The following TMEM117 variants were observed in gnomAD, a reference collection of about 807,000 sequenced individuals.
The protein encoded by TMEM117 is transmembrane protein 117.
In TMEM117, 27 loss-of-function variants were observed where a neutral mutation model predicts 52.4. The observed-to-expected ratio is 0.51, with a 90% CI of 0.38 to 0.71. TMEM117 has a LOEUF of 0.71. Among genes scored for constraint, TMEM117 ranks in the 30% least tolerant of loss-of-function variants. TMEM117 has a pLI of 0.00. For missense variants in TMEM117, 556 were observed against 630.5 expected, an observed-to-expected ratio of 0.88 and a Z score of 1.26; for synonymous variants, 215 against 206.3, an observed-to-expected ratio of 1.04 and a Z score of -0.36.
intron 5 of TMEM117, among the ~76,000 whole-genome samples, chr12:44,217,206 G>A (rs1236112947): frequency 6.6e-6 from 1 of 152,192 alleles, no homozygotes; most frequent in Non-Finnish European, 1.5e-5. Context: ...TTAGTAACTA[G>A]TAGTTTGACG....
the TMEM117 span, among the ~76,000 whole-genome samples, chr12:43,808,585 C>A: frequency 6.6e-6 from 1 of 151,986 alleles, no homozygotes; most frequent in African/African-American, 2.4e-5. Flanking sequence ...AGTTAAATAA[C>A]ATAAATGAAT....
intron 2 of TMEM117, among the ~76,000 whole-genome samples, chr12:43,905,720 C>G (rs956437682): frequency 3.3e-5 from 5 of 152,102 alleles, no homozygotes; most frequent in Non-Finnish European, 4.4e-5. Flanking sequence ...ACTTCCTTTT[C>G]TATGAATTTC....
At chr12:43,830,601 C>A in the TMEM117 span, among the ~76,000 whole-genome samples, 1 of 136,612 alleles carries the variant, frequency 7.3e-6, no homozygotes. Flanking sequence ...CAGAGCAAGA[C>A]ACTTGTCTCA....
chr12:44,361,585 C>T (rs894518583), intron 6 of TMEM117, among the ~76,000 whole-genome samples: 1 of 152,168 alleles, frequency 6.6e-6, no homozygotes, highest in African/African-American at 2.4e-5. Context: ...AATAATCAAA[C>T]AACCAAATGG....
rs368271620 is a variant in TMEM117, at chr12:44,245,236, A to G, written c.608+33849A>G. 2.0e-5 allele frequency among the ~76,000 whole-genome samples: 3 copies of G among 152,116 alleles called. No homozygotes were observed. The East Asian group carries it at 5.8e-4, about 29-fold the overall frequency. The stretch of plus-strand genomic sequence containing the variant: ...GTTTTTTTTTCTCTTTCTGTGAAGA[A>G]TGCCATTGGAATTATAGTAGCAATT... On this transcript the variant is annotated intron_variant, in intron 5 of 7. Coordinates refer to ENST00000266534, the MANE Select transcript of TMEM117 (RefSeq NM_032256.3).
intron 3 of TMEM117, among the ~76,000 whole-genome samples, chr12:44,024,963 G>A (rs1946510951): frequency 6.6e-6 from 1 of 152,128 alleles, no homozygotes. Flanking sequence ...GAAGGTTGGA[G>A]TGCTTGAATC....
chr12:44,059,207 G>A (rs79772732), intron 3 of TMEM117, among the ~76,000 whole-genome samples: 2 of 152,118 alleles, frequency 1.3e-5, no homozygotes, highest in East Asian at 3.8e-4. Context: ...CAGCAGTATC[G>A]GTCTGCAGCT....
At chr12:44,235,271 A>G (rs922086785) in intron 5 of TMEM117, among the ~76,000 whole-genome samples, 2 of 151,510 alleles carry the variant, frequency 1.3e-5, no homozygotes, top group Non-Finnish European at 3.0e-5. Context: ...TGTCATGGGT[A>G]TCATTTTGCC....
At chr12:44,170,487 A>T (rs1425231460) in intron 4 of TMEM117, among the ~76,000 whole-genome samples, 1 of 152,182 alleles carries the variant, frequency 6.6e-6, no homozygotes, top group Non-Finnish European at 1.5e-5. Flanking sequence ...ACCAATTCCA[A>T]TGTCATGAAG....
chr12:44,362,802 G>T (rs1178065497), intron 6 of TMEM117, among the ~76,000 whole-genome samples: 1 of 151,414 alleles, frequency 6.6e-6, no homozygotes, highest in Non-Finnish European at 1.5e-5. Context: ...ACACAATTTG[G>T]CAGCTTCTTT....
intron 5 of TMEM117, among the ~76,000 whole-genome samples, chr12:44,271,741 G>T (rs1246107861): frequency 1.3e-4 from 20 of 152,002 alleles, no homozygotes; most frequent in Admixed American, 1.3e-3. Flanking sequence ...ACAGACAAAT[G>T]AGATTACATC....
At chr12:44,091,720 A>C (rs1947675537) in intron 3 of TMEM117, among the ~76,000 whole-genome samples, 2 of 152,202 alleles carry the variant, frequency 1.3e-5, no homozygotes, top group South Asian at 4.1e-4. Flanking sequence ...TTCAAAATTC[A>C]AGGCTTTGGA....
intron 6 of TMEM117, among the ~76,000 whole-genome samples, chr12:44,370,153 T>C (rs2138833000): frequency 6.6e-6 from 1 of 152,334 alleles, no homozygotes; most frequent in East Asian, 1.9e-4. Context: ...CATGAACTTC[T>C]TTGTATTTAC....
At chr12:44,330,406 A>G (rs1951254153) in intron 6 of TMEM117, among the ~76,000 whole-genome samples, 1 of 152,038 alleles carries the variant, frequency 6.6e-6, no homozygotes. Flanking sequence ...GTGTAATGGT[A>G]AGTTTTCTAG....
At chr12:44,076,477 A>T (rs1947384346) in intron 3 of TMEM117, among the ~76,000 whole-genome samples, 2 of 152,214 alleles carry the variant, frequency 1.3e-5, no homozygotes, top group Admixed American at 1.3e-4. Context: ...TATAAAAACT[A>T]ATAATGGATC....
intron 5 of TMEM117, among the ~76,000 whole-genome samples, chr12:44,216,063 A>T (rs998789770): frequency 1.4e-5 from 2 of 139,030 alleles, no homozygotes; most frequent in Non-Finnish European, 3.0e-5. Flanking sequence ...GCTGGAGTAC[A>T]GTGGCCCAAT....
At chr12:44,083,851 T>C (rs1385612092) in intron 3 of TMEM117, among the ~76,000 whole-genome samples, 1 of 152,176 alleles carries the variant, frequency 6.6e-6, no homozygotes, top group East Asian at 1.9e-4. Context: ...TGTTTGCTTG[T>C]TACATGTTTT....
chr12:43,855,222 C>T (rs11182300), intron 2 of TMEM117, among the ~76,000 whole-genome samples: 5,770 of 151,888 alleles, frequency 0.038, 275 homozygotes, highest in African/African-American at 0.1. Flanking sequence ...ACTGTGGAAA[C>T]TGGATTGTGG....
chr12:44,120,418 C>T (rs1027458084), intron 3 of TMEM117, among the ~76,000 whole-genome samples: 1 of 152,102 alleles, frequency 6.6e-6, no homozygotes, highest in African/African-American at 2.4e-5. Flanking sequence ...CAGGTACAGA[C>T]TTGGGTATTT....
Sources: gnomAD v4.1 joint callset for allele counts (sites outside exome capture counted in the v4.1 genomes callset) on GRCh38, gnomAD v4.1.1 for gene constraint, MANE v1.5 for transcripts, NCBI Gene and HGNC (gene_info 2026-07-23, HGNC 2026-07-21) for gene names.